Variants in MAPKAPK5 observed in about 807,000 individuals in gnomAD.
MAPKAPK5 encodes MAPK activated protein kinase 5, also known as MAP kinase-activated protein kinase 5.
A neutral mutation model predicts 65.1 loss-of-function variants in MAPKAPK5; 30 were observed. That is an observed-to-expected ratio of 0.46 (90% CI 0.34 to 0.63). The LOEUF is 0.63. Ranked by LOEUF, MAPKAPK5 falls within the 20% of genes least tolerant of loss-of-function variation. The pLI is 0.01. For missense variants in MAPKAPK5, 433 were observed against 581.4 expected (o/e 0.74, Z 2.63); for synonymous variants, 179 against 204.6 (o/e 0.87, Z 1.07).
In MAPKAPK5 at chr12:111,842,433, A is replaced by C. The variant is rs1335221325; in HGVS notation, c.-301A>C. On this transcript the variant is annotated 5_prime_UTR_variant, in exon 1 of 14. Transcript: ENST00000550735. ...GTCGAGGCCCTCCCCGCCTCGCCCT[A>C]CCCCAGGAGCCTGCCTCCCCAGCTG... The C allele has an allele frequency of 7.9e-6, 2 of 253,978 alleles. No homozygotes were observed. Among genetic ancestry groups the C allele is most frequent in the Non-Finnish European group, 7.5e-6 (1 of 133,776 alleles). 15.7% of individuals were successfully genotyped at this position (253,978 alleles called of 1,614,324 possible).
intron 7 of MAPKAPK5, among the ~76,000 whole-genome samples, chr12:111,874,775 T>A (rs1260618066): frequency 1.3e-5 from 1 of 76,724 alleles, no homozygotes; most frequent in African/African-American, 7.4e-5. Flanking sequence ...ACTAGTGACT[T>A]TTTTTTTTTT....
chr12:111,890,200 GA>G, intron 13 of MAPKAPK5, 56 bp downstream of exon 13: 1 of 1,272,880 alleles, frequency 7.9e-7, no homozygotes, highest in Non-Finnish European at 1.1e-6. Context: ...ATTATGTTTA[GA>G]ACATATAGGA....
In MAPKAPK5 at chr12:111,900,464, C is replaced by G; in HGVS notation, c.*7403C>G. ...ATGAAAATATCACAAAAGAAAGTGGCTTCAGCAGCTGCAGCTCTGACTACT... is the reference window on the plus strand; with the variant it reads ...ATGAAAATATCACAAAAGAAAGTGGGTTCAGCAGCTGCAGCTCTGACTACT... On this transcript the variant is annotated 3_prime_UTR_variant, in exon 14 of 14. Transcript: ENST00000550735. 4.4e-6 allele frequency: 2 copies of G among 456,098 alleles called. No individual in the cohort carries two copies. Among genetic ancestry groups the G allele is most frequent in the South Asian group, 3.1e-5 (2 of 64,564 alleles). 28.3% of individuals were successfully genotyped at this position (456,098 alleles called of 1,614,324 possible).
intron 1 of MAPKAPK5, among the ~76,000 whole-genome samples, chr12:111,846,556 C>T (rs1000102324): frequency 4.7e-5 from 7 of 149,210 alleles, no homozygotes; most frequent in South Asian, 2.1e-4. Flanking sequence ...AGTGCAGTGG[C>T]GTGATCTTGG....
rs903991943 is a variant in MAPKAPK5, at chr12:111,897,170, A to C, written c.*4109A>C. 2.0e-5 allele frequency: 3 copies of C among 152,218 alleles called. No individual in the cohort carries two copies. The highest frequency in any genetic ancestry group is 2.0e-4 in the Admixed American group (3 of 15,272). The allele number at this position is 152,218 out of a possible 1,614,324, so 9.4% of individuals were successfully genotyped here. ...AGACGTGATCCTGCTATGTTGCCCA[A>C]GTTAGACTCAAGCTCCTGGGCTCAA... is the stretch of plus-strand genomic sequence containing the variant. On this transcript the variant is annotated 3_prime_UTR_variant, in exon 14 of 14. Transcript: ENST00000550735.
chr12:111,873,145 T>G (rs2069838431), intron 7 of MAPKAPK5, among the ~76,000 whole-genome samples: 1 of 152,190 alleles, frequency 6.6e-6, no homozygotes, highest in Non-Finnish European at 1.5e-5. Context: ...TATAAGAGGT[T>G]ATAGCTTTAG....
chr12:111,901,430 G>A lies in MAPKAPK5; in HGVS notation c.*8369G>A, dbSNP rs547776959. On this transcript the variant is annotated 3_prime_UTR_variant, in exon 14 of 14. Coordinates refer to ENST00000550735, the MANE Select transcript of MAPKAPK5 (RefSeq NM_003668.4). Reference sequence around the variant, plus strand: ...CAGGAGAAGGTGAAAATCACAATATGACTCATTCCAGACGTGAAGAACATG... The same window carrying A: ...CAGGAGAAGGTGAAAATCACAATATAACTCATTCCAGACGTGAAGAACATG... The A allele has an allele frequency of 2.0e-5, 9 of 456,012 alleles. No homozygotes were observed. Among genetic ancestry groups the A allele is most frequent in the South Asian group, 1.4e-4 (9 of 64,560 alleles). 28.2% of individuals were successfully genotyped at this position (456,012 alleles called of 1,614,324 possible).
chr12:111,880,286 GA>G, intron 7 of MAPKAPK5, 160 bp from the exon 8 acceptor site: 2 of 621,004 alleles, frequency 3.2e-6, no homozygotes, highest in Non-Finnish European at 5.8e-6. Context: ...CTGGTTGTAA[GA>G]AAAAAACGTT....
intron 13 of MAPKAPK5, among the ~76,000 whole-genome samples, chr12:111,890,737 A>G (rs1390860434): frequency 6.6e-6 from 1 of 152,208 alleles, no homozygotes; most frequent in Non-Finnish European, 1.5e-5. Flanking sequence ...TGCTCATTGC[A>G]ACCTCTGCCT....
In MAPKAPK5 at chr12:111,896,615, A is replaced by C. The variant is rs1399898395; in HGVS notation, c.*3554A>C. 6.6e-6 allele frequency: 1 copy of C among 152,242 alleles called. No homozygotes were observed. Among genetic ancestry groups the C allele is most frequent in the Non-Finnish European group, 1.5e-5 (1 of 68,050 alleles). The allele number at this position is 152,242 out of a possible 1,614,324, so 9.4% of individuals were successfully genotyped here. A position where few individuals can be genotyped will look rare whatever the true frequency, so the allele number is the denominator to read the frequency against. ...AACAAACACCTATACCTGTGGAAAC[A>C]TAACACTGTAAATATAATTCTTATA... On this transcript the variant is annotated 3_prime_UTR_variant, in exon 14 of 14. Transcript: ENST00000550735.
chr12:111,891,840 A>G (rs2136163743), intron 13 of MAPKAPK5, among the ~76,000 whole-genome samples: 1 of 151,960 alleles, frequency 6.6e-6, no homozygotes, highest in South Asian at 2.1e-4. Flanking sequence ...AACTTGAAAT[A>G]TGTCATTTTA....
At chr12:111,860,864 A>G (rs1185808050) in intron 1 of MAPKAPK5, among the ~76,000 whole-genome samples, 2 of 151,606 alleles carry the variant, frequency 1.3e-5, no homozygotes, top group African/African-American at 4.8e-5. Flanking sequence ...TATGCCTGTA[A>G]TCCCAGCACA....
intron 9 of MAPKAPK5, 43 bp from the exon 10 acceptor site, chr12:111,885,873 G>A (rs1037163523): frequency 1.2e-6 from 2 of 1,612,806 alleles, no homozygotes; most frequent in Non-Finnish European, 1.7e-6. Context: ...TGGCCTTTTG[G>A]TAGCAACTGT....
At chr12:111,866,257 T>A in intron 3 of MAPKAPK5, 26 bp downstream of exon 3, 1 of 1,586,300 alleles carries the variant, frequency 6.3e-7, no homozygotes, top group Non-Finnish European at 8.6e-7. Flanking sequence ...TCGACTTAAT[T>A]AAATAGTTGA....
Position 111,901,625 on chromosome 12 carries a change from G to A in MAPKAPK5, c.*8564G>A. 1 of 278,218 alleles carries A rather than the reference G, an allele frequency of 3.6e-6. No homozygotes were observed. Among genetic ancestry groups the A allele is most frequent in the South Asian group, 3.5e-5 (1 of 28,930 alleles). The allele number at this position is 278,218 out of a possible 1,614,324, so 17.2% of individuals were successfully genotyped here. A position where few individuals can be genotyped will look rare whatever the true frequency, so the allele number is the denominator to read the frequency against. ...AATAAAGCCAGAAGCAGCAGAAGTG[G>A]CCACAGAAGAAAAAGAAGAGAAGGA... On this transcript the variant is annotated 3_prime_UTR_variant, in exon 14 of 14. Coordinates refer to ENST00000550735, the MANE Select transcript of MAPKAPK5 (RefSeq NM_003668.4).
intron 9 of MAPKAPK5, among the ~76,000 whole-genome samples, chr12:111,885,241 A>G (rs1428068538): frequency 6.6e-6 from 1 of 152,180 alleles, no homozygotes; most frequent in Non-Finnish European, 1.5e-5. Context: ...GACATTTGTA[A>G]TGAGAGATGG....
At chr12:111,851,584 C>T (rs1566225691) in intron 1 of MAPKAPK5, among the ~76,000 whole-genome samples, 1 of 152,196 alleles carries the variant, frequency 6.6e-6, no homozygotes. Flanking sequence ...CCTCAGCCTC[C>T]CAAAGTGCTG....
At chr12:111,856,291 GGCCTATCATAA>G (rs1198977806) in intron 1 of MAPKAPK5, among the ~76,000 whole-genome samples, 1 of 151,288 alleles carries the variant, frequency 6.6e-6, no homozygotes, top group Non-Finnish European at 1.5e-5. Flanking sequence ...TCTAGAATAT[GGCCTATCATAA>G]GCCATTTCAG....
chr12:111,851,902 A>T (rs1013422911), intron 1 of MAPKAPK5, among the ~76,000 whole-genome samples: 2 of 152,208 alleles, frequency 1.3e-5, no homozygotes, highest in African/African-American at 4.8e-5. Flanking sequence ...TGAAGGGTGA[A>T]GAGTTTTAAG....
Sources: allele counts gnomAD v4.1 joint callset (sites outside exome capture counted in the v4.1 genomes callset), GRCh38; gene constraint gnomAD v4.1.1; transcripts MANE v1.5; gene names NCBI Gene and HGNC (gene_info 2026-07-23, HGNC 2026-07-21).